Variants in NRXN1 observed in about 807,000 individuals in gnomAD.
NRXN1 encodes neurexin-1.
In NRXN1, 39 loss-of-function variants were observed where a neutral mutation model predicts 150.9. The observed-to-expected ratio is 0.26, with a 90% CI of 0.20 to 0.34. The LOEUF (loss-of-function observed/expected upper bound fraction) is 0.34, where lower values mean the gene tolerates loss of function less well. Ranked by LOEUF, NRXN1 falls within the 10% of genes least tolerant of loss-of-function variation. The pLI, the probability that NRXN1 is intolerant of heterozygous loss-of-function variation, is 1.00. For missense variants in NRXN1, 1,815 were observed against 1,949.9 expected (o/e 0.93, Z 1.30); for synonymous variants, 924 against 757.0 (o/e 1.22, Z -3.62).
At chr2:50,988,175 A>G (rs1174891649) in intron 2 of NRXN1, among the ~76,000 whole-genome samples, 1 of 151,974 alleles carries the variant, frequency 6.6e-6, no homozygotes, top group East Asian at 1.9e-4. Flanking sequence ...CTAATTTACC[A>G]CATGAGTCTT....
chr2:50,706,230 G>C (rs866146106), intron 5 of NRXN1, among the ~76,000 whole-genome samples: 1 of 152,114 alleles, frequency 6.6e-6, no homozygotes. Flanking sequence ...AGTAATGTAA[G>C]TGAACTCTCA....
chr2:50,219,368 A>AG (rs2063635576), intron 18 of NRXN1, among the ~76,000 whole-genome samples: 1 of 151,870 alleles, frequency 6.6e-6, no homozygotes, highest in African/African-American at 2.4e-5. Flanking sequence ...GGAAAAAAAA[A>AG]AAAAGAGCTC....
chr2:50,828,167 T>A (rs1416014922), intron 5 of NRXN1, among the ~76,000 whole-genome samples: 1 of 150,330 alleles, frequency 6.7e-6, no homozygotes, highest in Non-Finnish European at 1.5e-5. Flanking sequence ...GCTCCTCACT[T>A]CCCAGTAGGG....
intron 17 of NRXN1, among the ~76,000 whole-genome samples, chr2:50,327,000 G>C (rs1335965205): frequency 1.3e-5 from 2 of 152,142 alleles, no homozygotes; most frequent in Non-Finnish European, 2.9e-5. Context: ...GAAACTGTGG[G>C]ACAAAGTCTA....
intron 8 of NRXN1, among the ~76,000 whole-genome samples, chr2:50,602,532 A>T (rs2103960890): frequency 6.6e-6 from 1 of 152,114 alleles, no homozygotes; most frequent in African/African-American, 2.4e-5. Flanking sequence ...TCTTATTTTT[A>T]AATTTTGTAC....
At chr2:50,583,715 A>G (rs1558972186) in intron 8 of NRXN1, among the ~76,000 whole-genome samples, 2 of 152,208 alleles carry the variant, frequency 1.3e-5, no homozygotes, top group Non-Finnish European at 2.9e-5. Flanking sequence ...CACAGAATCT[A>G]TCAATTCCTT....
chr2:50,084,351 C>T (rs1698464275), intron 19 of NRXN1, among the ~76,000 whole-genome samples: 1 of 152,166 alleles, frequency 6.6e-6, no homozygotes, highest in Non-Finnish European at 1.5e-5. Flanking sequence ...CGAGCCCTGC[C>T]CCGCAGGGAG....
In NRXN1 at chr2:50,626,093, A is replaced by G. The variant is rs975428924; in HGVS notation, c.833-2478T>C. Among the ~76,000 whole-genome samples the G allele has an allele frequency of 3.5e-4, 53 of 152,056 alleles. 1 individual carries two copies. The highest frequency in any genetic ancestry group is 1.3e-3 in the African/African-American group (52 of 41,434). ...TTATAAATGAAGAAAATCATGTGAT[A>G]TAAGCAAATATATTGCACAAATTGA... is the stretch of plus-strand genomic sequence containing the variant. On this transcript the variant is annotated intron_variant, in intron 5 of 22. Coordinates refer to ENST00000401669, the MANE Select transcript of NRXN1 (RefSeq NM_001330078.2).
At chr2:50,636,298 C>T (rs766727764) in intron 5 of NRXN1, among the ~76,000 whole-genome samples, 8 of 152,054 alleles carry the variant, frequency 5.3e-5, no homozygotes, top group African/African-American at 9.7e-5. Context: ...CTAAGAATTA[C>T]GAGAGTGAAA....
At chr2:50,591,371 C>T (rs1435230204) in intron 8 of NRXN1, among the ~76,000 whole-genome samples, 1 of 146,182 alleles carries the variant, frequency 6.8e-6, no homozygotes, top group Non-Finnish European at 1.5e-5. Flanking sequence ...TTCTACCATA[C>T]ACTATATATC....
intron 17 of NRXN1, among the ~76,000 whole-genome samples, chr2:50,461,187 G>T (rs115142321): frequency 6.6e-6 from 1 of 151,956 alleles, no homozygotes; most frequent in South Asian, 2.1e-4. Context: ...TCATTTCAGC[G>T]AATGTTTCTA....
chr2:50,485,151 A>C (rs1052482994), intron 15 of NRXN1, among the ~76,000 whole-genome samples: 8 of 152,226 alleles, frequency 5.3e-5, no homozygotes, highest in Admixed American at 3.9e-4. Context: ...GTGAGGATTC[A>C]GAGACCGTAT....
chr2:50,387,008 T>C (rs893441556), intron 17 of NRXN1, among the ~76,000 whole-genome samples: 6 of 152,174 alleles, frequency 3.9e-5, no homozygotes, highest in Non-Finnish European at 7.3e-5. Flanking sequence ...GAAGTTTTTT[T>C]CTAAAGTTAG....
rs572885674 is a variant in NRXN1 at position 50,382,128 on chromosome 2, T to G, written c.3364+83314A>C. Among the ~76,000 whole-genome samples the G allele has an allele frequency of 4.6e-5, 7 of 152,214 alleles. No homozygotes were observed. In the East Asian group the frequency reaches 1.2e-3, roughly 25 times the overall value. On this transcript the variant is annotated intron_variant, in intron 17 of 22. Coordinates refer to ENST00000401669, the MANE Select transcript of NRXN1 (RefSeq NM_001330078.2). ...GGAAGTTGTAAGAAAGACCTATTAC[T>G]CTATTTATGAATGAAGTAAAGGAAT...
intron 5 of NRXN1, among the ~76,000 whole-genome samples, chr2:50,836,852 AAAAAC>A (rs1444554936): frequency 6.6e-6 from 1 of 151,874 alleles, no homozygotes; most frequent in African/African-American, 2.4e-5. Flanking sequence ...AAAAAAAAAA[AAAAAC>A]AGAAGAACAA....
chr2:50,615,395 C>T (rs1678902870), intron 8 of NRXN1: 1 of 152,246 alleles, frequency 6.6e-6, no homozygotes, highest in East Asian at 1.9e-4. Flanking sequence ...TTTCCTACCT[C>T]TTCAGTTTCA....
intron 17 of NRXN1, among the ~76,000 whole-genome samples, chr2:50,373,626 A>G (rs901711703): frequency 1.3e-4 from 13 of 98,606 alleles, no homozygotes; most frequent in African/African-American, 5.7e-4. Flanking sequence ...AGAGAGAAAG[A>G]AAAGAAAGAA....
At chr2:50,579,200 T>C (rs557268799) in intron 8 of NRXN1, among the ~76,000 whole-genome samples, 122 of 152,350 alleles carry the variant, frequency 8.0e-4, no homozygotes, top group African/African-American at 2.8e-3. Flanking sequence ...CTTTTTGGGC[T>C]ACAGGACCAG....
At chr2:50,057,851 T>C (rs1365468788) in intron 19 of NRXN1, among the ~76,000 whole-genome samples, 1 of 152,130 alleles carries the variant, frequency 6.6e-6, no homozygotes, top group Non-Finnish European at 1.5e-5. Context: ...CACTTATAAT[T>C]TTATTTTTTG....
Sources: gnomAD v4.1 joint callset for allele counts (sites outside exome capture counted in the v4.1 genomes callset) on GRCh38, gnomAD v4.1.1 for gene constraint, MANE v1.5 for transcripts, NCBI Gene and HGNC (gene_info 2026-07-23, HGNC 2026-07-21) for gene names.